Variants in ANAPC10 observed in about 807,000 individuals in gnomAD.
ANAPC10 encodes anaphase promoting complex subunit 10.
In ANAPC10, 12 loss-of-function variants were observed where a neutral mutation model predicts 22.0. The observed-to-expected ratio is 0.55, with a 90% CI of 0.35 to 0.88. ANAPC10 has a LOEUF of 0.88. Among genes scored for constraint, ANAPC10 ranks in the 40% least tolerant of loss-of-function variants. ANAPC10 has a pLI of 0.01. For synonymous variants in ANAPC10, 65 were observed against 69.5 expected, an observed-to-expected ratio of 0.94 and a Z score of 0.32; for missense variants, 188 against 220.9, an observed-to-expected ratio of 0.85 and a Z score of 0.94.
chr4:145,013,236 T>G (rs2126936286), intron 4 of ANAPC10, among the ~76,000 whole-genome samples: 1 of 152,170 alleles, frequency 6.6e-6, no homozygotes, highest in Non-Finnish European at 1.5e-5. Context: ...ATAAGGATAG[T>G]ATAAGAAAGA....
At chr4:145,016,170 A>C (rs937814928) in intron 4 of ANAPC10, among the ~76,000 whole-genome samples, 3 of 152,192 alleles carry the variant, frequency 2.0e-5, no homozygotes, top group Non-Finnish European at 4.4e-5. Context: ...GGAAAAGAAG[A>C]AGTCAAATTG....
chr4:144,999,818 G>C (rs1032008581), intron 4 of ANAPC10, among the ~76,000 whole-genome samples: 1 of 152,198 alleles, frequency 6.6e-6, no homozygotes, highest in Admixed American at 6.5e-5. Flanking sequence ...CACGGCTACA[G>C]TAACCTAAAC....
At chr4:145,068,961 T>A (rs968936) in intron 3 of ANAPC10, among the ~76,000 whole-genome samples, 1 of 152,090 alleles carries the variant, frequency 6.6e-6, no homozygotes, top group African/African-American at 2.4e-5. Context: ...GATGCTAAGA[T>A]GAAAGTTTTC....
chr4:145,065,471 C>A (rs569975074), intron 3 of ANAPC10, among the ~76,000 whole-genome samples: 3 of 151,992 alleles, frequency 2.0e-5, no homozygotes, highest in South Asian at 2.1e-4. Flanking sequence ...TTAGTAGAAA[C>A]ACAACCTTTG....
chr4:145,064,686 T>C lies in ANAPC10; in HGVS notation c.213A>G (p.Lys71=). ...AAATACATAATGTCTTCACTGTTGTTTTTCTTCTAAAAGCAATAAAGTAAA... is the reference window on the plus strand; with the variant it reads ...AAATACATAATGTCTTCACTGTTGTCTTTCTTCTAAAAGCAATAAAGTAAA... ...PHLVNIQFRR[K]TTVKTLCIYA... The change falls in exon 4 of 5, where the codon AAA becomes AAG. Residue 71 remains lysine, a synonymous_variant. Transcript: ENST00000507656. 2 of 1,519,664 alleles carry C rather than the reference T, an allele frequency of 1.3e-6. No individual in the cohort carries two copies. Among genetic ancestry groups the C allele is most frequent in the South Asian group, 1.4e-5 (1 of 71,550 alleles). The allele number at this position is 1,519,664 out of a possible 1,614,324, so 94.1% of individuals were successfully genotyped here.
chr4:145,041,280 T>C (rs1202986676), intron 4 of ANAPC10, among the ~76,000 whole-genome samples: 2 of 152,240 alleles, frequency 1.3e-5, no homozygotes, highest in African/African-American at 4.8e-5. Context: ...TTATTTTACA[T>C]GAATTTTTAA....
chr4:145,023,269 T>TCTATCCTA (rs1241283453), intron 4 of ANAPC10, among the ~76,000 whole-genome samples: 2 of 152,098 alleles, frequency 1.3e-5, no homozygotes, highest in Non-Finnish European at 2.9e-5. Flanking sequence ...GTGAAAGTAA[T>TCTATCCTA]CTATCCTAGA....
At chr4:145,048,226 G>T (rs1362141515) in intron 4 of ANAPC10, among the ~76,000 whole-genome samples, 3 of 152,104 alleles carry the variant, frequency 2.0e-5, no homozygotes, top group Non-Finnish European at 4.4e-5. Context: ...CACCTATGTG[G>T]TAGGTACTCA....
intron 4 of ANAPC10, among the ~76,000 whole-genome samples, chr4:145,018,124 A>C (rs1091617): frequency 2.0e-5 from 3 of 147,924 alleles, no homozygotes; most frequent in Non-Finnish European, 4.5e-5. Context: ...TAATAAAAAA[A>C]ATATATATAT....
At chr4:145,011,637 A>G (rs1476976502) in intron 4 of ANAPC10, among the ~76,000 whole-genome samples, 2 of 152,160 alleles carry the variant, frequency 1.3e-5, no homozygotes, top group Non-Finnish European at 2.9e-5. Context: ...GGCTTTGCCC[A>G]GGTAGAGAGT....
intron 4 of ANAPC10, among the ~76,000 whole-genome samples, chr4:145,063,368 G>A (rs1339387079): frequency 6.6e-6 from 1 of 152,008 alleles, no homozygotes; most frequent in Non-Finnish European, 1.5e-5. Flanking sequence ...GTTCTTATTT[G>A]TCAATACATA....
intron 4 of ANAPC10, among the ~76,000 whole-genome samples, chr4:145,043,185 CA>C (rs937388833): frequency 3.0e-4 from 45 of 148,342 alleles, no homozygotes; most frequent in African/African-American, 1.0e-3. Context: ...AGTGTTAATA[CA>C]AAAAAAAGAG....
chr4:145,094,734 A>G (rs1462632214), intron 2 of ANAPC10, among the ~76,000 whole-genome samples: 1 of 152,142 alleles, frequency 6.6e-6, no homozygotes, highest in Non-Finnish European at 1.5e-5. Flanking sequence ...TATCTGGCAA[A>G]TGCCATGAAC....
At chr4:145,007,970 T>C (rs1733683914) in intron 4 of ANAPC10, among the ~76,000 whole-genome samples, 1 of 150,720 alleles carries the variant, frequency 6.6e-6, no homozygotes, top group African/African-American at 2.4e-5. Flanking sequence ...GAGAAAAGAA[T>C]CAAATAGATG....
rs184624228 is a variant in ANAPC10 at position 145,041,763 on chromosome 4, T to C, written c.327+22809A>G. On this transcript the variant is annotated intron_variant, in intron 4 of 4. Coordinates refer to ENST00000507656, the MANE Select transcript of ANAPC10 (RefSeq NM_001256706.2). The stretch of plus-strand genomic sequence containing the variant: ...AAAATTTAATAACTGGTTCCAGATA[T>C]ACAGCAATATTATCCTAAATAACCA... Among the ~76,000 whole-genome samples, 4 of 152,324 alleles carry C rather than the reference T, an allele frequency of 2.6e-5. No individual in the cohort carries two copies. In the East Asian group the frequency reaches 7.7e-4, roughly 29 times the overall value.
At chr4:145,059,993 T>C (rs1742647549) in intron 4 of ANAPC10, among the ~76,000 whole-genome samples, 1 of 152,106 alleles carries the variant, frequency 6.6e-6, no homozygotes, top group Non-Finnish European at 1.5e-5. Flanking sequence ...TTGAATAACA[T>C]GAATTCATGC....
At chr4:145,079,406 G>A (rs563865117) in intron 3 of ANAPC10, among the ~76,000 whole-genome samples, 12 of 152,162 alleles carry the variant, frequency 7.9e-5, no homozygotes, top group South Asian at 2.1e-4. Flanking sequence ...GTGAAAAAAA[G>A]GGAATACTTA....
chr4:145,037,686 C>T (rs1489702496), intron 4 of ANAPC10, among the ~76,000 whole-genome samples: 3 of 152,122 alleles, frequency 2.0e-5, no homozygotes, highest in African/African-American at 4.8e-5. Flanking sequence ...ATGGCTCACA[C>T]CTATAATCCC....
At chr4:145,015,721 T>C (rs1207377903) in intron 4 of ANAPC10, among the ~76,000 whole-genome samples, 1 of 152,136 alleles carries the variant, frequency 6.6e-6, no homozygotes, top group Non-Finnish European at 1.5e-5. Flanking sequence ...GGTAAACCTA[T>C]TAGATTAACA....
Sources: allele counts gnomAD v4.1 joint callset (sites outside exome capture counted in the v4.1 genomes callset), GRCh38; gene constraint gnomAD v4.1.1; transcripts MANE v1.5; gene names NCBI Gene and HGNC (gene_info 2026-07-23, HGNC 2026-07-21).